Variants in NBPF11 observed in about 807,000 individuals in gnomAD.
NBPF11 encodes NBPF family member NBPF11.
NBPF11 carries 72 observed loss-of-function variants against 93.9 expected under a neutral mutation model. That is an observed-to-expected ratio of 0.77 (90% CI 0.63 to 0.93). The LOEUF (loss-of-function observed/expected upper bound fraction) is 0.93, where lower values mean the gene tolerates loss of function less well. NBPF11 is among the 40% of genes least tolerant of loss of function. The pLI is 0.00. For missense variants in NBPF11, 705 were observed against 802.2 expected, an observed-to-expected ratio of 0.88 and a Z score of 1.46; for synonymous variants, 224 against 304.9, an observed-to-expected ratio of 0.73 and a Z score of 2.76.
intron 1 of NBPF11, chr1:148,146,673 C>T (rs1270467956): frequency 9.9e-6 from 16 of 1,611,662 alleles, no homozygotes; most frequent in African/African-American, 1.3e-5. Flanking sequence ...CCACCAAGAG[C>T]GCCCGCGGCA....
intron 15 of NBPF11, among the ~76,000 whole-genome samples, chr1:148,113,276 T>A (rs1197384075): frequency 6.6e-5 from 10 of 151,790 alleles, no homozygotes; most frequent in Non-Finnish European, 1.5e-4. Flanking sequence ...TGGAGGAAGA[T>A]CTACCAAGCA....
In NBPF11 at chr1:148,148,761, T is replaced by A. The variant is rs1261304633; in HGVS notation, c.-549+2989A>T. 4.6e-5 allele frequency among the ~76,000 whole-genome samples: 7 copies of A among 152,024 alleles called. No individual in the cohort carries two copies. The South Asian group carries it at 6.2e-4, about 14-fold the overall frequency. On this transcript the variant is annotated intron_variant, in intron 1 of 23. Coordinates refer to ENST00000682118, the MANE Select transcript of NBPF11 (RefSeq NM_001385469.3). ...TCCTGGCCAGTGCACCAGGAACGGC[T>A]TTCTAACCCGGGCAGGAAGGTATGA...
At chr1:148,140,176 C>G (rs1671949762) in intron 2 of NBPF11, among the ~76,000 whole-genome samples, 4 of 152,044 alleles carry the variant, frequency 2.6e-5, no homozygotes, top group African/African-American at 7.3e-5. Context: ...CAATTTAAAA[C>G]AGCAAAGATA....
chr1:148,129,374 C>T (rs1393422911), intron 4 of NBPF11: 2 of 150,424 alleles, frequency 1.3e-5, no homozygotes, highest in African/African-American at 2.5e-5. Flanking sequence ...CTAGCAGAGT[C>T]GTGGCGAGGA....
chr1:148,121,985 C>G (rs1272952619), intron 9 of NBPF11, 70 bp downstream of exon 9: 2 of 962,152 alleles, frequency 2.1e-6, no homozygotes, highest in Admixed American at 1.7e-5. Context: ...TGTGTATATA[C>G]AGCCTGTCCT....
chr1:148,108,869 AC>A (rs1664515367), intron 17 of NBPF11, among the ~76,000 whole-genome samples: 47 of 150,214 alleles, frequency 3.1e-4, no homozygotes, highest in Non-Finnish European at 6.1e-4. Context: ...ACACACACAC[AC>A]ACACACACAC....
At chr1:148,146,722 G>T (rs1322965170) in intron 1 of NBPF11, 26 of 1,612,028 alleles carry the variant, frequency 1.6e-5, no homozygotes, top group Non-Finnish European at 1.9e-5. Context: ...CGTGCCTGGT[G>T]CCAGGTACAC....
At position 148,152,036 on chromosome 1, in the gene NBPF11, T is replaced by TAA. The variant is rs1372730943; in HGVS notation, c.-837_-836dup. 6.6e-6 allele frequency: 1 copy of TAA among 151,894 alleles called. No homozygotes were observed. Among genetic ancestry groups the TAA allele is most frequent in the Non-Finnish European group, 1.5e-5 (1 of 68,032 alleles). 9.4% of individuals were successfully genotyped at this position (151,894 alleles called of 1,614,324 possible). On this transcript the variant is annotated 5_prime_UTR_variant, in exon 1 of 24. Coordinates refer to ENST00000682118, the MANE Select transcript of NBPF11 (RefSeq NM_001385469.3). ...CCAAGGCACAGGCGCAGCTGGGCCT[T>TAA]AAAGGGACCCGGCTGCCTCTACCGC...
At chr1:148,109,166 A>T in intron 17 of NBPF11, 118 bp downstream of exon 17, 3 of 825,230 alleles carry the variant, frequency 3.6e-6, no homozygotes, top group Non-Finnish European at 6.3e-6. Context: ...TGCAGTAGGC[A>T]TAATTCAGAC....
intron 1 of NBPF11, among the ~76,000 whole-genome samples, chr1:148,145,884 A>G (rs1184905598): frequency 3.3e-5 from 5 of 151,766 alleles, no homozygotes; most frequent in Admixed American, 6.6e-5. Flanking sequence ...TGTCTCAAAA[A>G]GAAAAAAAAT....
intron 1 of NBPF11, among the ~76,000 whole-genome samples, chr1:148,150,153 CTTT>C (rs56775503): frequency 7.4e-6 from 1 of 134,996 alleles, no homozygotes; most frequent in Non-Finnish European, 1.6e-5. Flanking sequence ...ATGACCTGTA[CTTT>C]TTTTTTTTTT....
At chr1:148,142,092 A>G (rs1434942162) in intron 2 of NBPF11, among the ~76,000 whole-genome samples, 63 of 135,676 alleles carry the variant, frequency 4.6e-4, no homozygotes, top group African/African-American at 1.8e-3. Context: ...GAGGGAAGGC[A>G]GAAGGGAAGG....
intron 21 of NBPF11, among the ~76,000 whole-genome samples, 193 bp from the exon 22 acceptor site, chr1:148,105,721 GAC>G (rs781939834): frequency 0.32 from 30,979 of 95,770 alleles, 4,992 homozygotes; most frequent in East Asian, 0.35. Flanking sequence ...GAGAAAGACA[GAC>G]ACACACACAC....
At position 148,110,398 on chromosome 1, in the gene NBPF11, C is replaced by T; in HGVS notation, c.1781G>A (p.Cys594Tyr). ...CTCACTGCCTATGTCAACAGCCATG[C>T]AGACTTGCTGTTCCTCTAATGAGTG... ...TFHSLEEQQV[C>Y]MAVDIGRHRW... Residue 594 changes from cysteine (C) to tyrosine (Y), a missense_variant, in exon 16 of 24, where the codon TGC (cysteine) becomes TAC (tyrosine). By Grantham distance (194) the Cys-to-Tyr change is radical. Around this residue, in one of 12 missense-constraint regions of NBPF11, gnomAD observed 19 missense variants for 16.3 expected, o/e 1.17. Coordinates refer to ENST00000682118, the MANE Select transcript of NBPF11 (RefSeq NM_001385469.3). The T allele has an allele frequency of 6.3e-7, 1 of 1,593,344 alleles. No individual in the cohort carries two copies. The highest frequency in any genetic ancestry group is 8.6e-7 in the Non-Finnish European group (1 of 1,164,612).
At chr1:148,138,357 T>C (rs1671672202) in intron 2 of NBPF11, among the ~76,000 whole-genome samples, 1 of 151,240 alleles carries the variant, frequency 6.6e-6, no homozygotes, top group Non-Finnish European at 1.5e-5. Flanking sequence ...CCTTCCTCTT[T>C]TACTAATCCT....
chr1:148,106,127 C>A, intron 21 of NBPF11, 54 bp downstream of exon 21: 3 of 711,478 alleles, frequency 4.2e-6, no homozygotes, highest in Admixed American at 2.0e-5. Flanking sequence ...TTTCCCTGAA[C>A]CAGGAGTCTC....
intron 2 of NBPF11, among the ~76,000 whole-genome samples, chr1:148,140,131 A>G (rs1260605391): frequency 1.3e-5 from 2 of 152,054 alleles, no homozygotes; most frequent in East Asian, 1.9e-4. Flanking sequence ...GCAGGCCTAC[A>G]TACAGTCCAC....
chr1:148,121,693 G>A (rs1254880618), intron 9 of NBPF11, among the ~76,000 whole-genome samples: 1 of 151,954 alleles, frequency 6.6e-6, no homozygotes, highest in Admixed American at 6.5e-5. Context: ...ATGAAAAGGA[G>A]AGAGAGTCTA....
intron 5 of NBPF11, among the ~76,000 whole-genome samples, 156 bp from the exon 6 acceptor site, chr1:148,125,157 T>C (rs1443558355): frequency 6.6e-6 from 1 of 152,208 alleles, no homozygotes. Context: ...TTCAGTCTTC[T>C]GACTTTCTGG....
Sources: allele counts gnomAD v4.1 joint callset (sites outside exome capture counted in the v4.1 genomes callset), GRCh38; gene constraint gnomAD v4.1.1; regional missense constraint gnomAD v4.1.1; transcripts MANE v1.5; gene names NCBI Gene and HGNC (gene_info 2026-07-23, HGNC 2026-07-21).